The following CMYA5 variants were observed in gnomAD, a reference collection of about 807,000 sequenced individuals.
CMYA5 encodes the protein cardiomyopathy associated 5.
In CMYA5, 246 loss-of-function variants were observed where a neutral mutation model predicts 318.9. That is an observed-to-expected ratio of 0.77 (90% CI 0.70 to 0.86). The LOEUF (loss-of-function observed/expected upper bound fraction) is 0.86, where lower values mean the gene tolerates loss of function less well. Among genes scored for constraint, CMYA5 ranks in the 40% least tolerant of loss-of-function variants. The pLI, the probability that CMYA5 is intolerant of heterozygous loss-of-function variation, is 0.00. For missense variants in CMYA5, 4,589 were observed against 4,678.2 expected, an observed-to-expected ratio of 0.98 and a Z score of 0.56; for synonymous variants, 1,641 against 1,729.5, an observed-to-expected ratio of 0.95 and a Z score of 1.27.
intron 7 of CMYA5, 77 bp downstream of exon 7, chr5:79,758,979 T>C (rs1387689233): frequency 1.0e-5 from 12 of 1,154,328 alleles, no homozygotes; most frequent in Non-Finnish European, 1.4e-5. Context: ...TATACACCTG[T>C]ATTATGACTC....
chr5:79,799,853 TGAGTTCTTTCCTAA>T lies in CMYA5; in HGVS notation c.*238_*251del. On this transcript the variant is annotated 3_prime_UTR_variant, in exon 13 of 13. Transcript: ENST00000446378. ...CTCCACTCTTTAGTTTATATAAGTT[TGAGTTCTTTCCTAA>T]ATTAAAAGATCTACACTTGAGTTGG... 3.2e-6 allele frequency: 1 copy of T among 309,780 alleles called. No individual in the cohort carries two copies. The highest frequency in any genetic ancestry group is 5.8e-6 in the Non-Finnish European group (1 of 171,578). 19.2% of individuals were successfully genotyped at this position (309,780 alleles called of 1,614,324 possible).
intron 1 of CMYA5, among the ~76,000 whole-genome samples, chr5:79,707,779 TCA>T (rs1827302141): frequency 6.6e-6 from 1 of 152,240 alleles, no homozygotes; most frequent in Admixed American, 6.5e-5. Flanking sequence ...TTGCCTGAGC[TCA>T]CACAGTGCCT....
intron 11 of CMYA5, among the ~76,000 whole-genome samples, chr5:79,791,795 G>T (rs984223502): frequency 6.6e-6 from 1 of 151,786 alleles, no homozygotes; most frequent in Admixed American, 6.6e-5. Context: ...TCTTGCTTCC[G>T]TAGTAGCTCC....
In CMYA5 at chr5:79,763,920, GTTTTC is replaced by G. The variant is rs1046000965; in HGVS notation, c.11555+716_11555+720del. Among the ~76,000 whole-genome samples, 11 of 151,638 alleles carry G rather than the reference GTTTTC, an allele frequency of 7.3e-5. 1 individual carries two copies. Among genetic ancestry groups the G allele is most frequent in the African/African-American group, 2.7e-4 (11 of 41,252 alleles). On this transcript the variant is annotated intron_variant, in intron 9 of 12. Transcript: ENST00000446378. ...CATATTTTGATAGAGAGGTTTTTAG[GTTTTC>G]TTTTAAACCAAGTTTATTGAGATAA... is the stretch of plus-strand genomic sequence containing the variant.
At chr5:79,713,318 T>C (rs745527229) in intron 1 of CMYA5, among the ~76,000 whole-genome samples, 122 of 70,510 alleles carry the variant, frequency 1.7e-3, no homozygotes, top group Admixed American at 6.8e-3. Flanking sequence ...CCACCCGCCG[T>C]CACAAAGAAT....
At position 79,736,342 on chromosome 5, in the gene CMYA5, G is replaced by A; in HGVS notation, c.7577G>A (p.Arg2526Lys). Residue 2526 changes from arginine to lysine, a missense_variant, in exon 2 of 13, where the codon AGA (arginine) becomes AAA (lysine). Physicochemically the swap from Arg to Lys is conservative, Grantham distance 26 (BLOSUM62 2). This residue lies in a region of CMYA5 where 2,431 missense variants were observed against 2,495.1 expected (regional missense o/e 0.97). Transcript: ENST00000446378. ...HFYQNEDYNE[R>K]PKIIVGSEKE... ...TATCAAAATGAAGACTACAATGAAA[G>A]ACCCAAAATCATTGTTGGTTCTGAA... is the stretch of plus-strand genomic sequence containing the variant. The A allele has an allele frequency of 6.2e-7, 1 of 1,613,464 alleles. No individual in the cohort carries two copies. Among genetic ancestry groups the A allele is most frequent in the South Asian group, 1.1e-5 (1 of 91,036 alleles).
Position 79,757,120 on chromosome 5 carries a change from A to G in CMYA5, c.11111-1633A>G, listed in dbSNP as rs144569321. 3.5e-3 allele frequency among the ~76,000 whole-genome samples: 530 copies of G among 149,472 alleles called. 2 individuals are homozygous for G. Among genetic ancestry groups the G allele is most frequent in the African/African-American group, 0.012 (506 of 40,482 alleles). ...TCAGGCAGCAGAATTGATTGAACCC[A>G]GGAGGTGGAGGTTGCAGTGAGCTGA... On this transcript the variant is annotated intron_variant, in intron 6 of 12. Coordinates refer to ENST00000446378, the MANE Select transcript of CMYA5 (RefSeq NM_153610.5).
In CMYA5 at chr5:79,729,497, T is replaced by C. The variant is rs2151084106; in HGVS notation, c.732T>C (p.Phe244=). ...SVKEELIPLQ[F]YGTLPKGYVI... is the part of the protein sequence containing the mutation. ...AAGAAGAATTAATTCCTCTACAATT[T>C]TATGGAACATTGCCAAAGGGTTATG... The change falls in exon 2 of 13, where the codon TTT becomes TTC. Residue 244 remains phenylalanine, a synonymous_variant. Coordinates refer to ENST00000446378, the MANE Select transcript of CMYA5 (RefSeq NM_153610.5). 1 of 1,610,632 alleles carries C rather than the reference T, an allele frequency of 6.2e-7. No homozygotes were observed. Among genetic ancestry groups the C allele is most frequent in the Non-Finnish European group, 8.5e-7 (1 of 1,177,920 alleles).
In CMYA5 at chr5:79,736,843, C is replaced by T. The variant is rs28362541; in HGVS notation, c.8078C>T (p.Thr2693Ile). ...GGTTCAGTAGATATCACAAAAGAAA[C>T]TGTGAAACAAGGATTTCAAGAAAAG... Reference protein sequence around the residue: ...KGGSVDITKETVKQGFQEKAV... With the variant: ...KGGSVDITKEIVKQGFQEKAV... Residue 2693 changes from threonine (T) to isoleucine (I), a missense_variant, in exon 2 of 13, where the codon ACT becomes ATT. Physicochemically the swap from Thr to Ile is moderately conservative, Grantham distance 89. Coordinates refer to ENST00000446378, the MANE Select transcript of CMYA5 (RefSeq NM_153610.5). 0.088 allele frequency: 140,782 copies of T among 1,607,696 alleles called. 10,872 individuals carry two copies. The highest frequency in any genetic ancestry group is 0.46 in the East Asian group (20,466 of 44,662).
chr5:79,730,682 G>T lies in CMYA5; in HGVS notation c.1917G>T (p.Glu639Asp), dbSNP rs1463150153. The change falls in exon 2 of 13, where the codon GAG (glutamate) becomes GAT (aspartate). Residue 639 changes from glutamate to aspartate, a missense_variant. Physicochemically the swap from Glu to Asp is conservative, Grantham distance 45. Around this residue, in one of 3 missense-constraint regions of CMYA5, gnomAD observed 2,132 missense variants for 2,131.3 expected, o/e 1.00. Transcript: ENST00000446378. ...VLSEEENEEF[E>D]AYSPAAAPTS... ...CAGAAGAAGAGAATGAGGAATTTGAGGCTTATTCCCCAGCTGCAGCCCCTA... is the reference window on the plus strand; with the variant it reads ...CAGAAGAAGAGAATGAGGAATTTGATGCTTATTCCCCAGCTGCAGCCCCTA... 4.3e-6 allele frequency: 7 copies of T among 1,613,814 alleles called. No homozygotes were observed. In the East Asian group the frequency reaches 1.6e-4, roughly 36 times the overall value.
At chr5:79,757,702 C>T (rs1828557975) in intron 6 of CMYA5, among the ~76,000 whole-genome samples, 1 of 152,184 alleles carries the variant, frequency 6.6e-6, no homozygotes, top group Non-Finnish European at 1.5e-5. Flanking sequence ...CAGAATGATA[C>T]AACCTTGGCT....
intron 1 of CMYA5, among the ~76,000 whole-genome samples, chr5:79,718,978 A>G (rs753764016): frequency 2.6e-5 from 4 of 152,194 alleles, no homozygotes; most frequent in East Asian, 1.9e-4. Flanking sequence ...TGTTCACACA[A>G]TGATGAAACT....
In CMYA5 at chr5:79,732,576, T is replaced by C. The variant is rs376081832; in HGVS notation, c.3811T>C (p.Leu1271=). The C allele has an allele frequency of 8.7e-6, 14 of 1,612,908 alleles. No homozygotes were observed. The highest frequency in any genetic ancestry group is 1.3e-5 in the African/African-American group (1 of 74,912). Residue 1271 remains leucine (L), a synonymous_variant, in exon 2 of 13, where the codon TTG becomes CTG. Transcript: ENST00000446378. ...NVTSELEQRK[L]SKNEPEVIKP... ...GACTTCTGAACTAGAACAGAGAAAGTTGTCCAAGAATGAGCCTGAAGTAAT... is the reference window on the plus strand; with the variant it reads ...GACTTCTGAACTAGAACAGAGAAAGCTGTCCAAGAATGAGCCTGAAGTAAT...
chr5:79,692,090 C>CT (rs1190814083), intron 1 of CMYA5, among the ~76,000 whole-genome samples: 1 of 152,114 alleles, frequency 6.6e-6, no homozygotes, highest in Non-Finnish European at 1.5e-5. Flanking sequence ...AGGTAGCCAG[C>CT]TGGAGAGAGA....
chr5:79,799,857 T>A lies in CMYA5; in HGVS notation c.*241T>A. 1 of 280,260 alleles carries A rather than the reference T, an allele frequency of 3.6e-6. No individual in the cohort carries two copies. Among genetic ancestry groups the A allele is most frequent in the Non-Finnish European group, 6.5e-6 (1 of 152,990 alleles). 17.4% of individuals were successfully genotyped at this position (280,260 alleles called of 1,614,324 possible). ...ACTCTTTAGTTTATATAAGTTTGAGTTCTTTCCTAAATTAAAAGATCTACA... is the reference window on the plus strand; with the variant it reads ...ACTCTTTAGTTTATATAAGTTTGAGATCTTTCCTAAATTAAAAGATCTACA... On this transcript the variant is annotated 3_prime_UTR_variant, in exon 13 of 13. Coordinates refer to ENST00000446378, the MANE Select transcript of CMYA5 (RefSeq NM_153610.5).
rs1827981963 is a variant in CMYA5 at position 79,733,848 on chromosome 5, C to T, written c.5083C>T (p.Pro1695Ser). Residue 1695 changes from proline (P) to serine (S), a missense_variant, in exon 2 of 13, where the codon CCT becomes TCT. By Grantham distance (74) the Pro-to-Ser change is moderately conservative (BLOSUM62 -1). Transcript: ENST00000446378. ...AGAGCTTTGTGCATCTTCTACGATG[C>T]CTGCAATTTCAGAGCTTTCATCATT... ...NRELCASSTM[P>S]AISELSSLLR... 1.2e-6 allele frequency: 2 copies of T among 1,613,614 alleles called. No individual in the cohort carries two copies. The highest frequency in any genetic ancestry group is 1.7e-6 in the Non-Finnish European group (2 of 1,179,816).
At chr5:79,754,672 A>G (rs1226339427) in intron 6 of CMYA5, among the ~76,000 whole-genome samples, 1 of 152,046 alleles carries the variant, frequency 6.6e-6, no homozygotes, top group African/African-American at 2.4e-5. Flanking sequence ...TTGTGGTAAA[A>G]TACACATAAC....
In CMYA5 at chr5:79,768,432, T is replaced by G. The variant is rs923844627; in HGVS notation, c.11555+5223T>G. On this transcript the variant is annotated intron_variant, in intron 9 of 12. Coordinates refer to ENST00000446378, the MANE Select transcript of CMYA5 (RefSeq NM_153610.5). Reference sequence around the variant, plus strand: ...CAATTTGGTATGTTTTTGCTGTGGGTGGTATTGGTTTTTCCTTTCCATATT... The same window carrying G: ...CAATTTGGTATGTTTTTGCTGTGGGGGGTATTGGTTTTTCCTTTCCATATT... Among the ~76,000 whole-genome samples the G allele has an allele frequency of 3.3e-5, 5 of 152,138 alleles. No homozygotes were observed. The South Asian group carries it at 1.0e-3, about 32-fold the overall frequency.
At chr5:79,796,614 T>G (rs537683580) in intron 12 of CMYA5, among the ~76,000 whole-genome samples, 13 of 152,362 alleles carry the variant, frequency 8.5e-5, no homozygotes, top group Middle Eastern at 3.4e-3. Flanking sequence ...TTACCCAGTC[T>G]GTCTCTAACT....
Sources: allele counts gnomAD v4.1 joint callset (sites outside exome capture counted in the v4.1 genomes callset), GRCh38; gene constraint gnomAD v4.1.1; regional missense constraint gnomAD v4.1.1; transcripts MANE v1.5; gene names NCBI Gene and HGNC (gene_info 2026-07-23, HGNC 2026-07-21).